PHLDB1: variants seen among roughly 807,000 people sequenced by gnomAD.
PHLDB1 encodes pleckstrin homology-like domain family B member 1.
In PHLDB1, 65 loss-of-function variants were observed where a neutral mutation model predicts 139.3. The ratio of observed to expected loss-of-function variants is 0.47; its 90% CI spans 0.38 to 0.57. PHLDB1 has a LOEUF of 0.57. Among genes scored for constraint, PHLDB1 ranks in the 20% least tolerant of loss-of-function variants. The pLI is 0.00. For synonymous variants in PHLDB1, 679 were observed against 734.5 expected (o/e 0.92, Z 1.22); for missense variants, 1,624 against 1,839.7 (o/e 0.88, Z 2.14).
chr11:118,641,810 C>T (rs1555121057), intron 12 of PHLDB1: 2 of 1,277,046 alleles, frequency 1.6e-6, no homozygotes, highest in East Asian at 1.1e-4. Flanking sequence ...GTTCTTGCTA[C>T]CCCCACCCAT....
chr11:118,614,498 G>A, intron 2 of PHLDB1, 61 bp from the exon 3 acceptor site: 1 of 1,593,214 alleles, frequency 6.3e-7, no homozygotes, highest in South Asian at 1.1e-5. Context: ...TGGTGTGACT[G>A]GTTTAGGGTG....
At chr11:118,633,850 GAT>G (rs1945180265) in intron 9 of PHLDB1, 1 of 152,222 alleles carries the variant, frequency 6.6e-6, no homozygotes. Context: ...CACTCCCAGG[GAT>G]AAAGCTCAGC....
chr11:118,626,684 C>CTT (rs1270831513), intron 5 of PHLDB1, among the ~76,000 whole-genome samples: 1 of 146,448 alleles, frequency 6.8e-6, no homozygotes. Flanking sequence ...CGCCTGGCCT[C>CTT]TTTTTTTTTT....
chr11:118,642,336 C>A lies in PHLDB1; in HGVS notation c.2819C>A (p.Ala940Glu), dbSNP rs1555121992. 6.2e-7 allele frequency: 1 copy of A among 1,611,898 alleles called. No homozygotes were observed. Among genetic ancestry groups the A allele is most frequent in the African/African-American group, 1.3e-5 (1 of 74,906 alleles). ...GCCGGGCTGGGGACTGGCCCCGCTGCAGCCTCCCCTCACTCTTCTCCCCCG... is the reference window on the plus strand; with the variant it reads ...GCCGGGCTGGGGACTGGCCCCGCTGAAGCCTCCCCTCACTCTTCTCCCCCG... ...LMAGLGTGPA[A>E]ASPHSSPPPL... The change falls in exon 13 of 23, where the codon GCA (alanine) becomes GAA (glutamate). Residue 940 changes from alanine to glutamate, a missense_variant. Ala to Glu is a moderately radical substitution (Grantham distance 107). Coordinates refer to ENST00000600882, the MANE Select transcript of PHLDB1 (RefSeq NM_001144758.3).
Position 118,628,242 on chromosome 11 carries a change from C to T in PHLDB1, c.1419C>T (p.Pro473=). The T allele has an allele frequency of 6.2e-7, 1 of 1,614,150 alleles. No homozygotes were observed. Among genetic ancestry groups the T allele is most frequent in the Non-Finnish European group, 8.5e-7 (1 of 1,180,016 alleles). The change falls in exon 6 of 23, where the codon CCC becomes CCT. Residue 473 remains proline (P), a synonymous_variant. Transcript: ENST00000600882. ...CCCGGCGAGCTCTCTCCCCGCTGCC[C>T]ACCCGGACCACCCCAGATCCCAAGC... ...SLSRRALSPL[P]TRTTPDPKLN...
rs1555083708 is a variant in PHLDB1, at chr11:118,611,227, G to A, written c.-21-2589G>A. Among the ~76,000 whole-genome samples, 1 of 152,222 alleles carries A rather than the reference G, an allele frequency of 6.6e-6. No homozygotes were observed. The highest frequency in any genetic ancestry group is 1.9e-4 in the East Asian group (1 of 5,188). ...TGAGTGCAGGGCAGGTTGGCCTGGTGTCTCTTTCCACTTCTCTTGGATCAG... is the reference window on the plus strand; with the variant it reads ...TGAGTGCAGGGCAGGTTGGCCTGGTATCTCTTTCCACTTCTCTTGGATCAG... On this transcript the variant is annotated intron_variant, in intron 1 of 22. Coordinates refer to ENST00000600882, the MANE Select transcript of PHLDB1 (RefSeq NM_001144758.3). The surrounding 1 kb of genome is among the most constrained non-coding windows in gnomAD (Gnocchi z 4.7).
intron 5 of PHLDB1, 93 bp downstream of exon 5, chr11:118,625,152 C>T (rs923492057): frequency 3.1e-5 from 44 of 1,408,490 alleles, no homozygotes; most frequent in Admixed American, 1.9e-4. Context: ...AGTGTTAGGG[C>T]AAGACAATAC....
rs564595248 is a variant in PHLDB1 at position 118,627,686 on chromosome 11, G to T, written c.863G>T (p.Arg288Leu). 1.2e-6 allele frequency: 2 copies of T among 1,610,564 alleles called. No homozygotes were observed. Among genetic ancestry groups the T allele is most frequent in the Non-Finnish European group, 1.7e-6 (2 of 1,180,022 alleles). ...GPSVPPLVPA[R>L]SSSYHLALQP... ...TCTGTGCCCCCGCTGGTACCTGCCCGTTCCTCCAGCTACCATCTGGCCCTA... is the reference window on the plus strand; with the variant it reads ...TCTGTGCCCCCGCTGGTACCTGCCCTTTCCTCCAGCTACCATCTGGCCCTA... Residue 288 changes from arginine (R) to leucine (L), a missense_variant, in exon 6 of 23, where the codon CGT becomes CTT. Physicochemically the swap from Arg to Leu is moderately radical, Grantham distance 102. Transcript: ENST00000600882.
At chr11:118,607,292 G>C (rs1470631293), upstream of PHLDB1, among the ~76,000 whole-genome samples, 1 of 136,092 alleles carries the variant, frequency 7.3e-6, no homozygotes, top group Non-Finnish European at 1.6e-5. Context: ...GGTGGTCTAG[G>C]AGAGTCGGGA....
In PHLDB1 at chr11:118,610,993, G is replaced by A. The variant is rs1385567676; in HGVS notation, c.-21-2823G>A. Among the ~76,000 whole-genome samples the A allele has an allele frequency of 1.3e-5, 2 of 152,096 alleles. No homozygotes were observed. Among genetic ancestry groups the A allele is most frequent in the Non-Finnish European group, 2.9e-5 (2 of 67,992 alleles). The stretch of plus-strand genomic sequence containing the variant: ...ACCCAGGGCCGGACGCGCACCGCAG[G>A]GGTCTTTTTTTGGCCGCGGGGCCGG... On this transcript the variant is annotated intron_variant, in intron 1 of 22. Transcript: ENST00000600882. The surrounding 1 kb of genome is among the most constrained non-coding windows in gnomAD (Gnocchi z 8.7).
chr11:118,613,756 T>A (rs1940990315), intron 1 of PHLDB1, 60 bp from the exon 2 acceptor site: 5 of 1,025,630 alleles, frequency 4.9e-6, no homozygotes, highest in African/African-American at 1.6e-5. Context: ...CCACAGAACC[T>A]ACTTCTTTCC....
intron 1 of PHLDB1, chr11:118,613,560 C>A: frequency 1.3e-6 from 1 of 745,276 alleles, no homozygotes; most frequent in Non-Finnish European, 1.9e-6. Flanking sequence ...ATAGATTGGG[C>A]CCTATGGGAC....
intron 5 of PHLDB1, among the ~76,000 whole-genome samples, chr11:118,626,272 G>A (rs1383137983): frequency 2.6e-5 from 4 of 151,542 alleles, no homozygotes; most frequent in African/African-American, 9.7e-5. Flanking sequence ...CTGGGCCTCT[G>A]GTTCCTACAT....
intron 1 of PHLDB1, chr11:118,613,036 T>G (rs1438915049): frequency 6.6e-6 from 1 of 152,204 alleles, no homozygotes; most frequent in African/African-American, 2.4e-5. Context: ...AGTATTCAAG[T>G]TCTGGCTCTG....
Position 118,643,427 on chromosome 11 carries a change from G to A in PHLDB1, c.2878-373G>A, listed in dbSNP as rs1946911813. 14 of 718,414 alleles carry A rather than the reference G, an allele frequency of 1.9e-5. No individual in the cohort carries two copies. In the South Asian group the frequency reaches 8.2e-4, roughly 42 times the overall value. 44.5% of individuals were successfully genotyped at this position (718,414 alleles called of 1,614,324 possible). ...GATAAGGAAGCCAAGGCCCAGAGTA[G>A]GGAGGTGTGTGGCCCAAGGTCACAC... On this transcript the variant is annotated intron_variant, in intron 13 of 22. Coordinates refer to ENST00000600882, the MANE Select transcript of PHLDB1 (RefSeq NM_001144758.3).
chr11:118,646,288 G>A (rs1343271748), intron 17 of PHLDB1: 2 of 145,804 alleles, frequency 1.4e-5, no homozygotes, highest in African/African-American at 5.2e-5. Context: ...AAAAAAAAAG[G>A]TTGTATTCCT....
intron 9 of PHLDB1, chr11:118,633,006 T>G (rs79090593): frequency 1.1e-5 from 2 of 180,120 alleles, no homozygotes; most frequent in Non-Finnish European, 1.9e-5. Context: ...TTTTTTTTTT[T>G]GGAGCTTTGG....
chr11:118,650,908 G>A lies in PHLDB1; in HGVS notation c.3874+361G>A. ...TGCTGATAGGAGACATCCAGGCACT[G>A]CAGGAGCATGGGGTCTTATGGTCAG... On this transcript the variant is annotated intron_variant, in intron 20 of 22. Coordinates refer to ENST00000600882, the MANE Select transcript of PHLDB1 (RefSeq NM_001144758.3). The surrounding 1 kb of genome is among the most constrained non-coding windows in gnomAD (Gnocchi z 4.7). The A allele has an allele frequency of 3.7e-6, 1 of 273,132 alleles. No homozygotes were observed. Among genetic ancestry groups the A allele is most frequent in the Non-Finnish European group, 7.1e-6 (1 of 141,284 alleles). 16.9% of individuals were successfully genotyped at this position (273,132 alleles called of 1,614,324 possible).
At position 118,635,554 on chromosome 11, in the gene PHLDB1, C is replaced by T. The variant is rs947229539; in HGVS notation, c.2535+6C>T. 2.6e-6 allele frequency: 4 copies of T among 1,526,080 alleles called. No individual in the cohort carries two copies. Among genetic ancestry groups the T allele is most frequent in the African/African-American group, 1.4e-5 (1 of 72,072 alleles). 94.5% of individuals were successfully genotyped at this position (1,526,080 alleles called of 1,614,324 possible). A position where few individuals can be genotyped will look rare whatever the true frequency, so the allele number is the denominator to read the frequency against. The stretch of plus-strand genomic sequence containing the variant: ...GCAGCATCGCCAAGAGGAAGGTGTG[C>T]CCCACCTCGTTCCCTGCTGCGTGCT... On this transcript the variant is annotated splice_donor_region_variant and intron_variant, in intron 10 of 22. Coordinates refer to ENST00000600882, the MANE Select transcript of PHLDB1 (RefSeq NM_001144758.3).
Sources: allele counts gnomAD v4.1 joint callset (sites outside exome capture counted in the v4.1 genomes callset), GRCh38; gene constraint gnomAD v4.1.1; non-coding constraint Gnocchi (gnomAD v3.1); transcripts MANE v1.5; gene names NCBI Gene and HGNC (gene_info 2026-07-23, HGNC 2026-07-21).